DGKH: variants seen among roughly 807,000 people sequenced by gnomAD.
The protein encoded by DGKH is diacylglycerol kinase eta.
A neutral mutation model predicts 159.3 loss-of-function variants in DGKH; 90 were observed. That is an observed-to-expected ratio of 0.57 (90% CI 0.48 to 0.67). DGKH has a LOEUF of 0.67. DGKH is among the 30% of genes least tolerant of loss of function. DGKH has a pLI of 0.00. For synonymous variants in DGKH, 536 were observed against 553.8 expected (o/e 0.97, Z 0.45); for missense variants, 1,181 against 1,506.1 (o/e 0.78, Z 3.57).
chr13:42,233,907 T>C lies in DGKH; in HGVS notation c.*4719T>C, dbSNP rs1958359002. 6.6e-6 allele frequency: 1 copy of C among 152,182 alleles called. No individual in the cohort carries two copies. The highest frequency in any genetic ancestry group is 6.5e-5 in the Admixed American group (1 of 15,280). 9.4% of individuals were successfully genotyped at this position (152,182 alleles called of 1,614,324 possible). A position where few individuals can be genotyped will look rare whatever the true frequency, so the allele number is the denominator to read the frequency against. On this transcript the variant is annotated 3_prime_UTR_variant, in exon 30 of 30. Transcript: ENST00000337343. ...GACATAGCTCATGCATGAGGACACA[T>C]AGCAGTACACACACATTGAATGAAT...
chr13:42,060,389 C>T (rs1325569705), intron 1 of DGKH, among the ~76,000 whole-genome samples: 1 of 152,166 alleles, frequency 6.6e-6, no homozygotes, highest in East Asian at 1.9e-4. Flanking sequence ...CTAGCCTGTA[C>T]TTCTGAGATC....
At chr13:42,049,533 T>C (rs1369901561) in intron 1 of DGKH, among the ~76,000 whole-genome samples, 1 of 152,230 alleles carries the variant, frequency 6.6e-6, no homozygotes, top group East Asian at 1.9e-4. Flanking sequence ...CCTGCCCCTC[T>C]GCCTCCTGCT....
intron 20 of DGKH, among the ~76,000 whole-genome samples, chr13:42,202,589 G>A (rs1044718740): frequency 6.6e-6 from 1 of 152,142 alleles, no homozygotes; most frequent in African/African-American, 2.4e-5. Flanking sequence ...TGAGCCCAAG[G>A]TACTGTAAAT....
chr13:42,210,690 A>G lies in DGKH; in HGVS notation c.2939A>G (p.His980Arg), dbSNP rs1343363763. The change falls in exon 24 of 30, where the codon CAC becomes CGC. Residue 980 changes from histidine to arginine, a missense_variant. Coordinates refer to ENST00000337343, the MANE Select transcript of DGKH (RefSeq NM_178009.5). The stretch of plus-strand genomic sequence containing the variant: ...CTCCGAACCCATTTGTACATCCATC[A>G]CGCCATTGACTTGGCAACAGAAGAG... ...PVLRTHLYIH[H>R]AIDLATEEVS... The G allele has an allele frequency of 6.2e-7, 1 of 1,612,182 alleles. No homozygotes were observed. Among genetic ancestry groups the G allele is most frequent in the Admixed American group, 1.7e-5 (1 of 60,014 alleles).
At position 42,231,147 on chromosome 13, in the gene DGKH, G is replaced by A. The variant is rs1014037977; in HGVS notation, c.*1959G>A. ...AGGTGGGTAGATCACCGGAGGTCAG[G>A]AGTTCGAGACCAGCCTGACCAGTGT... On this transcript the variant is annotated 3_prime_UTR_variant, in exon 30 of 30. Coordinates refer to ENST00000337343, the MANE Select transcript of DGKH (RefSeq NM_178009.5). 6.6e-6 allele frequency: 1 copy of A among 152,162 alleles called. No homozygotes were observed. Among genetic ancestry groups the A allele is most frequent in the Non-Finnish European group, 1.5e-5 (1 of 68,066 alleles). 9.4% of individuals were successfully genotyped at this position (152,162 alleles called of 1,614,324 possible). A position where few individuals can be genotyped will look rare whatever the true frequency, so the allele number is the denominator to read the frequency against.
intron 1 of DGKH, among the ~76,000 whole-genome samples, chr13:42,081,260 C>T (rs975821057): frequency 2.0e-5 from 3 of 151,710 alleles, no homozygotes; most frequent in South Asian, 2.1e-4. Flanking sequence ...GATGTGTTCT[C>T]GCTCTGTTGC....
chr13:42,185,674 G>A (rs1301635194), intron 13 of DGKH, among the ~76,000 whole-genome samples: 1 of 152,124 alleles, frequency 6.6e-6, no homozygotes, highest in Non-Finnish European at 1.5e-5. Context: ...GAAACTTTCA[G>A]TAAAATGCCT....
upstream of DGKH, among the ~76,000 whole-genome samples, chr13:42,047,575 A>G (rs1180074990): frequency 6.6e-6 from 1 of 152,120 alleles, no homozygotes; most frequent in African/African-American, 2.4e-5. Flanking sequence ...CAGCCCCCTC[A>G]CCGCAGCCCC....
At chr13:42,065,626 A>G (rs1352272283) in intron 1 of DGKH, among the ~76,000 whole-genome samples, 2 of 152,198 alleles carry the variant, frequency 1.3e-5, no homozygotes, top group Non-Finnish European at 2.9e-5. Flanking sequence ...GGTGAGTCAC[A>G]GGAACTTTAC....
chr13:42,247,734 T>C (rs1361544246), downstream of DGKH, among the ~76,000 whole-genome samples: 1 of 152,162 alleles, frequency 6.6e-6, no homozygotes, highest in Non-Finnish European at 1.5e-5. Flanking sequence ...CCTGAAACTG[T>C]GTAGGCCTAG....
Position 42,121,066 on chromosome 13 carries a change from T to TACACACACACACACACACACAC in DGKH, c.193-6393_193-6372dup, listed in dbSNP as rs377628213. On this transcript the variant is annotated intron_variant, in intron 1 of 29. Transcript: ENST00000337343. ...TCTATGAAAGTAATAATATATATTA[T>TACACACACACACACACACACAC]ACACACACACACACACACACACACA... Among the ~76,000 whole-genome samples the TACACACACACACACACACACAC allele has an allele frequency of 1.1e-3, 155 of 144,828 alleles. 1 individual carries two copies. Among genetic ancestry groups the TACACACACACACACACACACAC allele is most frequent in the African/African-American group, 2.5e-3 (100 of 39,864 alleles).
rs1220510053 is a variant in DGKH at position 42,198,609 on chromosome 13, T to A, written c.2285+14T>A. The A allele has an allele frequency of 1.3e-6, 2 of 1,592,546 alleles. No individual in the cohort carries two copies. Among genetic ancestry groups the A allele is most frequent in the Non-Finnish European group, 1.7e-6 (2 of 1,170,174 alleles). ...TCTAGATTCCGTGTAAGAAAATGCT[T>A]TTGCAAATATTTTGTTTGGGTTTTT... is the stretch of plus-strand genomic sequence containing the variant. On this transcript the variant is annotated intron_variant, in intron 18 of 29. Transcript: ENST00000337343.
intron 1 of DGKH, among the ~76,000 whole-genome samples, chr13:42,061,364 A>G (rs1690399612): frequency 6.6e-6 from 1 of 152,190 alleles, no homozygotes; most frequent in African/African-American, 2.4e-5. Context: ...CACCTATGCA[A>G]GCTCCCAGCT....
At chr13:42,187,522 C>A (rs1275994430) in intron 14 of DGKH, among the ~76,000 whole-genome samples, 1 of 152,100 alleles carries the variant, frequency 6.6e-6, no homozygotes, top group African/African-American at 2.4e-5. Flanking sequence ...ATTACAGGTG[C>A]TTGCCACCAC....
In DGKH at chr13:42,242,357, G is replaced by A. The variant is rs949163095; in HGVS notation, c.*13169G>A. ...TAAGCACTTGTGTCTGAAAGATGCA[G>A]ATAATATCTATCTATTTATTACACA... On this transcript the variant is annotated 3_prime_UTR_variant, in exon 30 of 30. Transcript: ENST00000337343. 10 of 152,208 alleles carry A rather than the reference G, an allele frequency of 6.6e-5. No individual in the cohort carries two copies. The highest frequency in any genetic ancestry group is 2.2e-4 in the African/African-American group (9 of 41,464). The allele number at this position is 152,208 out of a possible 1,614,324, so 9.4% of individuals were successfully genotyped here.
intron 1 of DGKH, chr13:42,069,296 A>G: frequency 9.3e-7 from 1 of 1,075,566 alleles, no homozygotes. Context: ...TCTCCCCATC[A>G]CTCACAAACT....
At position 42,210,654 on chromosome 13, in the gene DGKH, G is replaced by T. The variant is rs1316218192; in HGVS notation, c.2903G>T (p.Gly968Val). The T allele has an allele frequency of 6.2e-7, 1 of 1,612,040 alleles. No individual in the cohort carries two copies. Among genetic ancestry groups the T allele is most frequent in the Non-Finnish European group, 8.5e-7 (1 of 1,179,922 alleles). ...GAAGATAAGCAGAAGTGTGATTCTG[G>T]TAAACCAGTTCTCCGAACCCATTTG... is the stretch of plus-strand genomic sequence containing the variant. Reference protein sequence around the residue: ...SWEDKQKCDSGKPVLRTHLYI... With the variant: ...SWEDKQKCDSVKPVLRTHLYI... The change falls in exon 24 of 30, where the codon GGT becomes GTT. Residue 968 changes from glycine (G) to valine (V), a missense_variant. Gly to Val is a moderately radical substitution (Grantham distance 109). Coordinates refer to ENST00000337343, the MANE Select transcript of DGKH (RefSeq NM_178009.5).
intron 1 of DGKH, among the ~76,000 whole-genome samples, chr13:42,102,668 G>C (rs1170189): frequency 7.2e-5 from 11 of 152,246 alleles, no homozygotes; most frequent in African/African-American, 1.2e-4. Context: ...TAGCCCAGAT[G>C]GGGGAGAGGA....
At chr13:42,061,056 A>G (rs1882123412) in intron 1 of DGKH, among the ~76,000 whole-genome samples, 1 of 151,814 alleles carries the variant, frequency 6.6e-6, no homozygotes, top group Admixed American at 6.5e-5. Context: ...CTTCCTCCAT[A>G]GAGGAAGGGG....
Sources: allele counts gnomAD v4.1 joint callset (sites outside exome capture counted in the v4.1 genomes callset), GRCh38; gene constraint gnomAD v4.1.1; transcripts MANE v1.5; gene names NCBI Gene and HGNC (gene_info 2026-07-23, HGNC 2026-07-21).